Variants in CSNK1G1 observed in about 807,000 individuals in gnomAD.
CSNK1G1 encodes the protein casein kinase 1 gamma 1.
CSNK1G1 carries 22 observed loss-of-function variants against 59.6 expected under a neutral mutation model. The observed-to-expected ratio is 0.37, with a 90% CI of 0.26 to 0.53. The LOEUF (loss-of-function observed/expected upper bound fraction) is 0.53, where lower values mean the gene tolerates loss of function less well. Ranked by LOEUF, CSNK1G1 falls within the 20% of genes least tolerant of loss-of-function variation. The pLI is 0.89. For missense variants in CSNK1G1, 384 were observed against 519.5 expected (o/e 0.74, Z 2.54); for synonymous variants, 179 against 177.1 (o/e 1.01, Z -0.08).
chr15:64,245,000 ATT>A (rs1481823546), intron 4 of CSNK1G1, among the ~76,000 whole-genome samples: 1 of 152,172 alleles, frequency 6.6e-6, no homozygotes, highest in Non-Finnish European at 1.5e-5. Flanking sequence ...GAACCAGCTA[ATT>A]TTCAACAAAG....
intron 4 of CSNK1G1, among the ~76,000 whole-genome samples, chr15:64,226,579 CAAA>C (rs2082465392): frequency 1.4e-5 from 2 of 147,494 alleles, no homozygotes; most frequent in South Asian, 2.1e-4. Context: ...AACAAACAAA[CAAA>C]CCAAAAAAAA....
chr15:64,338,238 T>A (rs190619327), intron 1 of CSNK1G1, among the ~76,000 whole-genome samples: 1 of 152,330 alleles, frequency 6.6e-6, no homozygotes, highest in African/African-American at 2.4e-5. Flanking sequence ...AGAGTTCCAA[T>A]TTCTCCACAT....
chr15:64,254,344 G>A (rs1271833814), intron 3 of CSNK1G1, among the ~76,000 whole-genome samples: 1 of 149,164 alleles, frequency 6.7e-6, no homozygotes, highest in Non-Finnish European at 1.5e-5. Flanking sequence ...TGTACTTAAT[G>A]CCATTGAACT....
chr15:64,227,336 A>T (rs949251704), intron 4 of CSNK1G1, among the ~76,000 whole-genome samples: 5 of 152,204 alleles, frequency 3.3e-5, no homozygotes, highest in African/African-American at 1.2e-4. Context: ...ATATTTCTAC[A>T]TTGACTTCTG....
rs1321164672 is a variant in CSNK1G1 at position 64,169,107 on chromosome 15, C to A, written c.*2824G>T. ...GCTGCAAGGCAGCTTGCCCTGCAGC[C>A]AAGCTGGTCAGTGCCTTTGCTTTTG... On this transcript the variant is annotated 3_prime_UTR_variant, in exon 12 of 12. Coordinates refer to ENST00000303052, the MANE Select transcript of CSNK1G1 (RefSeq NM_022048.5). 1 of 152,608 alleles carries A rather than the reference C, an allele frequency of 6.6e-6. No individual in the cohort carries two copies. Among genetic ancestry groups the A allele is most frequent in the Non-Finnish European group, 1.5e-5 (1 of 68,098 alleles). The allele number at this position is 152,608 out of a possible 1,614,324, so 9.5% of individuals were successfully genotyped here. A position where few individuals can be genotyped will look rare whatever the true frequency, so the allele number is the denominator to read the frequency against.
intron 4 of CSNK1G1, among the ~76,000 whole-genome samples, chr15:64,242,324 G>A (rs1006250282): frequency 5.3e-5 from 8 of 152,178 alleles, no homozygotes; most frequent in Non-Finnish European, 1.5e-5. Flanking sequence ...TTGGTGGGAG[G>A]TGTTTGAATC....
chr15:64,176,422 T>A lies in CSNK1G1; in HGVS notation c.1214+3926A>T. On this transcript the variant is annotated intron_variant, in intron 11 of 11. Coordinates refer to ENST00000303052, the MANE Select transcript of CSNK1G1 (RefSeq NM_022048.5). The surrounding 1 kb of genome is among the most constrained non-coding windows in gnomAD (Gnocchi z 5.2). Reference sequence around the variant, plus strand: ...TATGTGTCTGTGTTTAGTTTCTTCTTCTGTCAAGGTAGGCTGAGTAGGCCC... The same window carrying A: ...TATGTGTCTGTGTTTAGTTTCTTCTACTGTCAAGGTAGGCTGAGTAGGCCC... The A allele has an allele frequency of 2.5e-6, 1 of 396,430 alleles. No individual in the cohort carries two copies. The highest frequency in any genetic ancestry group is 4.4e-6 in the Non-Finnish European group (1 of 225,106). The allele number at this position is 396,430 out of a possible 1,614,324, so 24.6% of individuals were successfully genotyped here.
intron 1 of CSNK1G1, among the ~76,000 whole-genome samples, chr15:64,340,692 G>A (rs1897638664): frequency 6.6e-6 from 1 of 152,154 alleles, no homozygotes; most frequent in Non-Finnish European, 1.5e-5. Context: ...GTTGGCTCAT[G>A]CCTGTAATCC....
Position 64,200,786 on chromosome 15 carries a change from C to T in CSNK1G1, c.1107+2296G>A, listed in dbSNP as rs1211205556. 6.6e-6 allele frequency among the ~76,000 whole-genome samples: 1 copy of T among 152,170 alleles called. No individual in the cohort carries two copies. Among genetic ancestry groups the T allele is most frequent in the Non-Finnish European group, 1.5e-5 (1 of 68,036 alleles). On this transcript the variant is annotated intron_variant, in intron 10 of 11. Transcript: ENST00000303052. The surrounding 1 kb of genome is among the most constrained non-coding windows in gnomAD (Gnocchi z 4.3). ...TCCCGTCCAGCTCACTTTACTATAA[C>T]CCAGTTTATTCAATAAAGGATGTGA...
At chr15:64,192,037 A>G (rs1242717016) in intron 10 of CSNK1G1, among the ~76,000 whole-genome samples, 1 of 152,242 alleles carries the variant, frequency 6.6e-6, no homozygotes, top group Admixed American at 6.5e-5. Flanking sequence ...CTGCTAGTGT[A>G]ACTCTCCAAG....
chr15:64,302,873 C>A (rs1410190567), intron 1 of CSNK1G1, among the ~76,000 whole-genome samples: 1 of 152,042 alleles, frequency 6.6e-6, no homozygotes, highest in African/African-American at 2.4e-5. Context: ...ATTACATTGC[C>A]TATTTCTCTT....
At chr15:64,207,361 T>A (rs1031497916) in intron 7 of CSNK1G1, 148 bp downstream of exon 7, 4 of 568,706 alleles carry the variant, frequency 7.0e-6, no homozygotes, top group Non-Finnish European at 1.3e-5. Context: ...TCCTCCCACC[T>A]CAGCCTCCCA....
At chr15:64,189,849 C>T (rs1406733204) in intron 10 of CSNK1G1, among the ~76,000 whole-genome samples, 11 of 146,086 alleles carry the variant, frequency 7.5e-5, no homozygotes, top group African/African-American at 2.3e-4. Context: ...GACGGAGTCT[C>T]GCTCTGTCGC....
At chr15:64,223,344 G>A (rs8028184) in intron 4 of CSNK1G1, among the ~76,000 whole-genome samples, 29,186 of 152,096 alleles carry the variant, frequency 0.19, 3,871 homozygotes, top group African/African-American at 0.38. Context: ...CTTTAATGAG[G>A]CTGGGGAGAA....
intron 4 of CSNK1G1, among the ~76,000 whole-genome samples, chr15:64,226,603 T>G (rs1040642707): frequency 6.7e-6 from 1 of 150,250 alleles, no homozygotes; most frequent in African/African-American, 2.4e-5. Flanking sequence ...AAAAGGAGAC[T>G]AACTCAGCTC....
In CSNK1G1 at chr15:64,267,316, T is replaced by C. The variant is rs1893043850; in HGVS notation, c.182-8075A>G. ...AGAAAAACAGCACTGGCAACAAAAGTGAAAACAGGCAAATGGGATTATATC... is the reference window on the plus strand; with the variant it reads ...AGAAAAACAGCACTGGCAACAAAAGCGAAAACAGGCAAATGGGATTATATC... On this transcript the variant is annotated intron_variant, in intron 2 of 11. Transcript: ENST00000303052. Among the ~76,000 whole-genome samples, 3 of 142,896 alleles carry C rather than the reference T, an allele frequency of 2.1e-5. No homozygotes were observed. The South Asian group carries it at 6.7e-4, about 32-fold the overall frequency. The allele number at this position is 142,896 out of a possible 152,430, so 93.7% of individuals were successfully genotyped here.
chr15:64,319,192 A>G (rs1169006961), intron 1 of CSNK1G1, among the ~76,000 whole-genome samples: 1 of 152,106 alleles, frequency 6.6e-6, no homozygotes, highest in Non-Finnish European at 1.5e-5. Flanking sequence ...CCAGAGAACT[A>G]TTTACTTTGG....
chr15:64,230,711 G>A (rs1440804467), intron 4 of CSNK1G1, among the ~76,000 whole-genome samples: 2 of 152,110 alleles, frequency 1.3e-5, no homozygotes, highest in African/African-American at 4.8e-5. Context: ...AGTGGCTCAC[G>A]CCTGTAATCC....
intron 3 of CSNK1G1, among the ~76,000 whole-genome samples, chr15:64,252,959 G>C (rs1892172128): frequency 6.6e-6 from 1 of 152,178 alleles, no homozygotes; most frequent in Non-Finnish European, 1.5e-5. Flanking sequence ...TGCCAACCCA[G>C]CACTTTCAGA....
Sources: gnomAD v4.1 joint callset for allele counts (sites outside exome capture counted in the v4.1 genomes callset) on GRCh38, gnomAD v4.1.1 for gene constraint, Gnocchi (gnomAD v3.1) non-coding constraint, MANE v1.5 for transcripts, NCBI Gene and HGNC (gene_info 2026-07-23, HGNC 2026-07-21) for gene names.